INSL6: variants seen among roughly 807,000 people sequenced by gnomAD.
INSL6 encodes insulin like 6, also known as insulin-like peptide INSL6.
In INSL6, 16 loss-of-function variants were observed where a neutral mutation model predicts 9.4. That is an observed-to-expected ratio of 1.70 (90% CI 1.15 to 2.59). The LOEUF (loss-of-function observed/expected upper bound fraction) is 2.59. Ranked by LOEUF, INSL6 falls within the 30% of genes most tolerant of loss-of-function variation. The pLI is 0.00. For missense variants in INSL6, 391 were observed against 257.3 expected, an observed-to-expected ratio of 1.52 and a Z score of -3.56; for synonymous variants, 154 against 96.9, an observed-to-expected ratio of 1.59 and a Z score of -3.46.
chr9:5,072,358 A>C, the INSL6 span: 28 of 571,088 alleles, frequency 4.9e-5, no homozygotes, highest in South Asian at 1.0e-3. Context: ...TGGAGTCTTA[A>C]ATCTGGATTT....
downstream of INSL6, among the ~76,000 whole-genome samples, chr9:5,120,100 G>T (rs1200994506): frequency 6.6e-6 from 1 of 152,212 alleles, no homozygotes; most frequent in African/African-American, 2.4e-5. Flanking sequence ...GTGCTGGCAG[G>T]TTCAGGCGTC....
At chr9:5,085,426 A>C in the INSL6 span, 9 of 749,576 alleles carry the variant, frequency 1.2e-5, no homozygotes, top group South Asian at 1.3e-5. Flanking sequence ...ACTGTTGGCT[A>C]TCAGGCTCGC....
the INSL6 span, chr9:5,041,285 A>T: frequency 1.9e-6 from 2 of 1,041,286 alleles, no homozygotes; most frequent in Non-Finnish European, 2.9e-6. Flanking sequence ...CAAGGGGTAC[A>T]CTGGTCTCAG....
the INSL6 span, chr9:5,112,280 C>G: frequency 1.1e-5 from 3 of 268,162 alleles, no homozygotes; most frequent in African/African-American, 2.3e-5. Context: ...CAGCGCCAGC[C>G]TCATGCACAT....
the INSL6 span, among the ~76,000 whole-genome samples, chr9:5,051,814 C>A: frequency 6.6e-6 from 1 of 151,976 alleles, no homozygotes; most frequent in East Asian, 1.9e-4. Context: ...AGTTACATAC[C>A]CAATTTGCAG....
At chr9:5,174,295 A>C (rs369529029) in intron 1 of INSL6, among the ~76,000 whole-genome samples, 1 of 152,278 alleles carries the variant, frequency 6.6e-6, no homozygotes, top group East Asian at 1.9e-4. Flanking sequence ...AGAGTTTTCT[A>C]TATTTACTAA....
the INSL6 span, among the ~76,000 whole-genome samples, chr9:5,082,508 G>A: frequency 1.2e-4 from 19 of 152,276 alleles, no homozygotes; most frequent in South Asian, 2.5e-3. Context: ...GTTTTATACC[G>A]AGGCATTCAG....
the INSL6 span, among the ~76,000 whole-genome samples, chr9:5,018,278 G>C: frequency 6.6e-6 from 1 of 152,096 alleles, no homozygotes; most frequent in South Asian, 2.1e-4. Context: ...CAGTGGGTTT[G>C]ATACTTTCGT....
At chr9:5,109,188 A>G in the INSL6 span, 1 of 152,308 alleles carries the variant, frequency 6.6e-6, no homozygotes, top group Admixed American at 6.5e-5. Context: ...ATATTACATT[A>G]ACAGTTAAAC....
chr9:5,025,941 G>C, the INSL6 span, among the ~76,000 whole-genome samples: 7 of 152,138 alleles, frequency 4.6e-5, no homozygotes, highest in African/African-American at 1.7e-4. Context: ...GCATAATGTT[G>C]TTCTAGCACT....
At chr9:5,141,410 T>C (rs1435912203) in intron 2 of INSL6, among the ~76,000 whole-genome samples, 1 of 152,236 alleles carries the variant, frequency 6.6e-6, no homozygotes, top group African/African-American at 2.4e-5. Context: ...TGGCATGAGA[T>C]GGTATCTCAT....
chr9:5,111,116 T>A, the INSL6 span: 4 of 1,210,268 alleles, frequency 3.3e-6, no homozygotes, highest in Non-Finnish European at 4.6e-6. Context: ...AGCTCCTCCT[T>A]TGACCCCAGC....
At chr9:5,023,272 C>A in the INSL6 span, among the ~76,000 whole-genome samples, 1 of 152,170 alleles carries the variant, frequency 6.6e-6, no homozygotes, top group African/African-American at 2.4e-5. Context: ...TCTTTCAGTT[C>A]CTGGCTTATT....
chr9:5,082,981 T>C, the INSL6 span, among the ~76,000 whole-genome samples: 1 of 152,224 alleles, frequency 6.6e-6, no homozygotes, highest in Non-Finnish European at 1.5e-5. Flanking sequence ...CACACTGATC[T>C]CTCTTTCTTT....
chr9:5,098,935 C>T, the INSL6 span: 2 of 152,100 alleles, frequency 1.3e-5, no homozygotes. Flanking sequence ...ACGTTGTGTT[C>T]CACCCACTTC....
the INSL6 span, among the ~76,000 whole-genome samples, chr9:5,106,620 A>G: frequency 6.6e-6 from 1 of 152,242 alleles, no homozygotes. Flanking sequence ...CTGTGGCACT[A>G]TTCACAATAG....
chr9:5,037,408 G>T, the INSL6 span, among the ~76,000 whole-genome samples: 4 of 152,136 alleles, frequency 2.6e-5, no homozygotes, highest in South Asian at 2.1e-4. Context: ...ACATGCACAC[G>T]TATGTTTATT....
the INSL6 span, among the ~76,000 whole-genome samples, chr9:5,104,547 C>G: frequency 6.6e-6 from 1 of 152,188 alleles, no homozygotes; most frequent in Non-Finnish European, 1.5e-5. Flanking sequence ...GGAATCCTCC[C>G]TAACTCATTT....
chr9:5,135,234 T>C (rs1341564229), intron 2 of INSL6, among the ~76,000 whole-genome samples: 3 of 152,016 alleles, frequency 2.0e-5, no homozygotes, highest in Non-Finnish European at 4.4e-5. Flanking sequence ...ATAATAACAG[T>C]GGGAGACTTT....
Sources: allele counts gnomAD v4.1 joint callset (sites outside exome capture counted in the v4.1 genomes callset), GRCh38; gene constraint gnomAD v4.1.1; transcripts MANE v1.5; gene names NCBI Gene and HGNC (gene_info 2026-07-23, HGNC 2026-07-21).